Variants in CATSPERB observed in about 807,000 individuals in gnomAD.
CATSPERB encodes catsper channel auxiliary subunit beta.
In CATSPERB, 93 loss-of-function variants were observed where a neutral mutation model predicts 128.3. That is an observed-to-expected ratio of 0.72 (90% confidence interval 0.61 to 0.86). The LOEUF is 0.86. Among genes scored for constraint, CATSPERB ranks in the 40% least tolerant of loss-of-function variants. CATSPERB has a pLI of 0.00. For synonymous variants in CATSPERB, 381 were observed against 448.8 expected, an observed-to-expected ratio of 0.85 and a Z score of 1.91; for missense variants, 1,153 against 1,329.5, an observed-to-expected ratio of 0.87 and a Z score of 2.06.
chr14:91,686,399 T>C (rs1046342773), intron 10 of CATSPERB, among the ~76,000 whole-genome samples: 1 of 152,188 alleles, frequency 6.6e-6, no homozygotes, highest in Non-Finnish European at 1.5e-5. Context: ...TCATTAAGTA[T>C]TCACATGTTC....
intron 25 of CATSPERB, 148 bp downstream of exon 25, chr14:91,587,830 C>A: frequency 1.7e-6 from 1 of 602,610 alleles, no homozygotes; most frequent in Non-Finnish European, 2.9e-6. Flanking sequence ...AAAATAAACC[C>A]TCTTCATATA....
At chr14:91,686,418 G>C (rs533119761) in intron 10 of CATSPERB, among the ~76,000 whole-genome samples, 12 of 152,284 alleles carry the variant, frequency 7.9e-5, no homozygotes, top group Non-Finnish European at 1.5e-4. Context: ...TCAACTACCT[G>C]TCTAAACACC....
intron 26 of CATSPERB, among the ~76,000 whole-genome samples, chr14:91,585,126 C>T (rs1191323427): frequency 6.6e-6 from 1 of 152,074 alleles, no homozygotes; most frequent in African/African-American, 2.4e-5. Flanking sequence ...AAGCAACCCT[C>T]CCACCTTGGC....
At chr14:91,612,054 TTCTTTCTTTCTTCC>T (rs1893841884) in intron 20 of CATSPERB, among the ~76,000 whole-genome samples, 1 of 119,336 alleles carries the variant, frequency 8.4e-6, no homozygotes, top group South Asian at 2.9e-4. Flanking sequence ...CTTTCTTTCT[TTCTTTCTTTCTTCC>T]TTTTTTTAAG....
At chr14:91,604,527 C>T in intron 22 of CATSPERB, 1 of 1,605,680 alleles carries the variant, frequency 6.2e-7, no homozygotes. Flanking sequence ...TCCAAGGCAG[C>T]CTCCAAGTCA....
intron 22 of CATSPERB, chr14:91,604,977 G>A: frequency 8.5e-7 from 1 of 1,177,018 alleles, no homozygotes; most frequent in Admixed American, 1.7e-5. Flanking sequence ...TTCTGTCCCT[G>A]AAATCTATCA....
intron 3 of CATSPERB, among the ~76,000 whole-genome samples, chr14:91,723,804 C>T (rs1896072949): frequency 1.3e-5 from 2 of 151,992 alleles, no homozygotes; most frequent in Admixed American, 1.3e-4. Context: ...ATAAAACAGA[C>T]AGAACTCTCT....
In CATSPERB at chr14:91,661,362, A is replaced by G. The variant is rs150786963; in HGVS notation, c.1288-1381T>C. Among the ~76,000 whole-genome samples the G allele has an allele frequency of 8.4e-3, 1,273 of 152,044 alleles. 14 individuals are homozygous for G. Among genetic ancestry groups the G allele is most frequent in the Middle Eastern group, 0.044 (13 of 294 alleles). On this transcript the variant is annotated intron_variant, in intron 14 of 26. Coordinates refer to ENST00000256343, the MANE Select transcript of CATSPERB (RefSeq NM_024764.4). ...GGATATACCATACTTGAGATAGTCT[A>G]CTTTTCTACTATACTACTGAACATT...
At chr14:91,689,512 G>T (rs1057383500) in intron 10 of CATSPERB, among the ~76,000 whole-genome samples, 1 of 152,110 alleles carries the variant, frequency 6.6e-6, no homozygotes, top group Admixed American at 6.5e-5. Flanking sequence ...TACTTTTTGT[G>T]TGATTCTTCT....
At chr14:91,691,456 T>G in intron 10 of CATSPERB, 67 bp downstream of exon 10, 1 of 1,058,146 alleles carries the variant, frequency 9.5e-7, no homozygotes, top group Non-Finnish European at 1.3e-6. Flanking sequence ...TTGTCTTGCA[T>G]CTCATCTCAA....
At chr14:91,605,554 G>A (rs1363734619) in intron 22 of CATSPERB, among the ~76,000 whole-genome samples, 2 of 152,118 alleles carry the variant, frequency 1.3e-5, no homozygotes, top group African/African-American at 2.4e-5. Flanking sequence ...TCATTTCCAC[G>A]GCCGAGGAGA....
In CATSPERB at chr14:91,634,287, A is replaced by G. The variant is rs191866645; in HGVS notation, c.1742+2138T>C. Among the ~76,000 whole-genome samples the G allele has an allele frequency of 1.6e-3, 240 of 152,316 alleles. 1 individual carries two copies. The highest frequency in any genetic ancestry group is 3.4e-3 in the Middle Eastern group (1 of 294). ...GGATCATCATAAAGATCTTCATCCTAGTCATCTTCTTGATTAGGCTGAGGA... is the reference window on the plus strand; with the variant it reads ...GGATCATCATAAAGATCTTCATCCTGGTCATCTTCTTGATTAGGCTGAGGA... On this transcript the variant is annotated intron_variant, in intron 17 of 26. Coordinates refer to ENST00000256343, the MANE Select transcript of CATSPERB (RefSeq NM_024764.4).
intron 26 of CATSPERB, 145 bp downstream of exon 26, chr14:91,587,057 A>G (rs1339843657): frequency 3.2e-6 from 2 of 617,192 alleles, no homozygotes; most frequent in East Asian, 3.0e-5. Context: ...GACAGGGTCA[A>G]TGCTACCCTT....
Position 91,707,626 on chromosome 14 carries a change from T to C in CATSPERB, c.466+515A>G, listed in dbSNP as rs1895756590. On this transcript the variant is annotated intron_variant, in intron 6 of 26. Transcript: ENST00000256343. ...TTTTTTTTTTTTTTTTGAGACACAG[T>C]CTCACTCTGTTGCCCAGGCTGGAAT... is the stretch of plus-strand genomic sequence containing the variant. 3.3e-5 allele frequency among the ~76,000 whole-genome samples: 4 copies of C among 120,622 alleles called. No homozygotes were observed. The South Asian group carries it at 1.3e-3, about 38-fold the overall frequency. The allele number at this position is 120,622 out of a possible 152,430, so 79.1% of individuals were successfully genotyped here. A position where few individuals can be genotyped will look rare whatever the true frequency, so the allele number is the denominator to read the frequency against.
intron 7 of CATSPERB, among the ~76,000 whole-genome samples, chr14:91,698,905 C>T (rs902122423): frequency 5.9e-5 from 9 of 152,282 alleles, no homozygotes; most frequent in Admixed American, 3.3e-4. Context: ...ACTCTGTATG[C>T]CTTTGCTTGC....
At chr14:91,611,165 A>G (rs766581175) in intron 20 of CATSPERB, among the ~76,000 whole-genome samples, 1 of 152,250 alleles carries the variant, frequency 6.6e-6, no homozygotes, top group Non-Finnish European at 1.5e-5. Context: ...AAGAAAAGAA[A>G]TACAAAAAGA....
At chr14:91,695,702 G>A (rs972686775) in intron 7 of CATSPERB, among the ~76,000 whole-genome samples, 3 of 152,178 alleles carry the variant, frequency 2.0e-5, no homozygotes, top group African/African-American at 7.2e-5. Context: ...GGGAAGTGAT[G>A]TGATCTGGTT....
chr14:91,589,627 A>G lies in CATSPERB; in HGVS notation c.2863T>C (p.Leu955=), dbSNP rs749777198. ...CGTCCATCCTCGTTGATAATTTCCA[A>G]AGAAACTGGATATTGTGTAATTGGA... The part of the protein sequence containing the change: ...KFPITQYPVS[L]EIINEDGRVP... The change falls in exon 24 of 27, where the codon TTG becomes CTG. Residue 955 remains leucine (L), a synonymous_variant. Coordinates refer to ENST00000256343, the MANE Select transcript of CATSPERB (RefSeq NM_024764.4). The G allele has an allele frequency of 6.2e-7, 1 of 1,613,934 alleles. No homozygotes were observed. Among genetic ancestry groups the G allele is most frequent in the South Asian group, 1.1e-5 (1 of 91,044 alleles).
chr14:91,644,156 CT>C (rs1186664388), intron 15 of CATSPERB, among the ~76,000 whole-genome samples: 1 of 133,680 alleles, frequency 7.5e-6, no homozygotes, highest in Non-Finnish European at 1.6e-5. Context: ...GGTCTTGACT[CT>C]TTATCCAATT....
Sources: gnomAD v4.1 joint callset for allele counts (sites outside exome capture counted in the v4.1 genomes callset) on GRCh38, gnomAD v4.1.1 for gene constraint, MANE v1.5 for transcripts, NCBI Gene and HGNC (gene_info 2026-07-23, HGNC 2026-07-21) for gene names.